The following N4BP2 variants were observed in gnomAD, a reference collection of about 807,000 sequenced individuals.
The protein encoded by N4BP2 is NEDD4-binding protein 2.
Under a neutral mutation model 152.8 loss-of-function variants are expected in N4BP2, and 91 were observed. The observed-to-expected ratio is 0.60, with a 90% CI of 0.50 to 0.71. The LOEUF is 0.71. Ranked by LOEUF, N4BP2 falls within the 30% of genes least tolerant of loss-of-function variation. The pLI, the probability that N4BP2 is intolerant of heterozygous loss-of-function variation, is 0.00. For synonymous variants in N4BP2, 646 were observed against 705.3 expected, an observed-to-expected ratio of 0.92 and a Z score of 1.33; for missense variants, 1,923 against 2,059.1, an observed-to-expected ratio of 0.93 and a Z score of 1.28.
intron 7 of N4BP2, among the ~76,000 whole-genome samples, chr4:40,116,025 A>G (rs7686896): frequency 0.29 from 44,606 of 151,732 alleles, 6,830 homozygotes; most frequent in South Asian, 0.47. Flanking sequence ...AATTAATTGA[A>G]CCTTTTATTA....
chr4:40,112,071 TTA>T lies in N4BP2; in HGVS notation c.1499-11_1499-10del. On this transcript the variant is annotated splice_polypyrimidine_tract_variant and intron_variant, in intron 5 of 17. Coordinates refer to ENST00000261435, the MANE Select transcript of N4BP2 (RefSeq NM_018177.6). ...GTTTAAAAAATGATTTTTAATTATG[TTA>T]TGTTTTTCAGCAAAAGAAGCATTTG... 1 of 1,319,562 alleles carries T rather than the reference TTA, an allele frequency of 7.6e-7. No homozygotes were observed. Among genetic ancestry groups the T allele is most frequent in the Non-Finnish European group, 1.1e-6 (1 of 935,726 alleles). The allele number at this position is 1,319,562 out of a possible 1,614,324, so 81.7% of individuals were successfully genotyped here.
chr4:40,181,544 A>C, the N4BP2 span, among the ~76,000 whole-genome samples: 1 of 152,182 alleles, frequency 6.6e-6, no homozygotes, highest in Admixed American at 6.5e-5. Flanking sequence ...CAGCAATGTC[A>C]TCTTCAGGGA....
the N4BP2 span, among the ~76,000 whole-genome samples, chr4:40,176,951 A>G: frequency 2.6e-5 from 4 of 152,138 alleles, no homozygotes; most frequent in Non-Finnish European, 5.9e-5. Flanking sequence ...ACCCAATAAA[A>G]TCCTTTTCTC....
chr4:40,124,307 A>C lies in N4BP2; in HGVS notation c.4330+102A>C, dbSNP rs947599256. 8.9e-6 allele frequency: 6 copies of C among 675,062 alleles called. No individual in the cohort carries two copies. In the African/African-American group the frequency reaches 9.2e-5, roughly 10 times the overall value. The allele number at this position is 675,062 out of a possible 1,614,324, so 41.8% of individuals were successfully genotyped here. ...ATTACTTCCACAAAATACGGTACCC[A>C]CAAATTTTGATTTGCAAATAAAAGT... On this transcript the variant is annotated intron_variant, in intron 11 of 17. Coordinates refer to ENST00000261435, the MANE Select transcript of N4BP2 (RefSeq NM_018177.6).
At chr4:40,131,999 A>C in intron 13 of N4BP2, 80 bp downstream of exon 13, 3 of 919,134 alleles carry the variant, frequency 3.3e-6, no homozygotes, top group Non-Finnish European at 5.3e-6. Context: ...TCTGATAACA[A>C]AAATAATGTA....
chr4:40,168,634 TAGG>T, the N4BP2 span, among the ~76,000 whole-genome samples: 3 of 151,864 alleles, frequency 2.0e-5, no homozygotes, highest in East Asian at 1.9e-4. Flanking sequence ...AGACAAAAAA[TAGG>T]AGACCACAGA....
At chr4:40,096,441 G>C (rs947089760) in intron 2 of N4BP2, among the ~76,000 whole-genome samples, 1 of 152,166 alleles carries the variant, frequency 6.6e-6, no homozygotes, top group African/African-American at 2.4e-5. Flanking sequence ...GGAGACTTAA[G>C]TGTGGCTAAG....
chr4:40,104,344 A>G (rs891940977), intron 4 of N4BP2, among the ~76,000 whole-genome samples: 2 of 148,682 alleles, frequency 1.3e-5, no homozygotes, highest in Non-Finnish European at 3.0e-5. Context: ...TCCTGGGTGT[A>G]TCTAGTCTAG....
intron 11 of N4BP2, 42 bp from the exon 12 acceptor site, chr4:40,126,092 A>G (rs756711852): frequency 5.0e-6 from 6 of 1,195,256 alleles, no homozygotes; most frequent in Non-Finnish European, 5.7e-6. Context: ...TAATTTATAC[A>G]TTTATTGTTG....
chr4:40,174,465 GC>G, the N4BP2 span, among the ~76,000 whole-genome samples: 2 of 152,062 alleles, frequency 1.3e-5, no homozygotes, highest in Admixed American at 1.3e-4. Flanking sequence ...ACTTACAGTA[GC>G]CAGGATGTGG....
At chr4:40,062,562 CT>C (rs1330023601) in intron 1 of N4BP2, among the ~76,000 whole-genome samples, 282 of 137,128 alleles carry the variant, frequency 2.1e-3, no homozygotes, top group Middle Eastern at 7.6e-3. Flanking sequence ...TTCTGAACTT[CT>C]TTTTTTTTTT....
rs780859612 is a variant in N4BP2, at chr4:40,102,753, C to G, written c.908C>G (p.Pro303Arg). Residue 303 changes from proline (P) to arginine (R), a missense_variant, in exon 4 of 18, where the codon CCA becomes CGA. Physicochemically the swap from Pro to Arg is moderately radical, Grantham distance 103. Coordinates refer to ENST00000261435, the MANE Select transcript of N4BP2 (RefSeq NM_018177.6). ...TTAAACCTTCCAGGGCTTGATTTAC[C>G]AGGTACAGGTGGGGATCAGAAATCT... ...ACLNLPGLDL[P>R]GTGGDQKSTR... The G allele has an allele frequency of 1.9e-6, 3 of 1,614,126 alleles. No homozygotes were observed. The highest frequency in any genetic ancestry group is 1.3e-5 in the African/African-American group (1 of 75,028).
At chr4:40,115,118 A>G (rs1261391073) in intron 7 of N4BP2, among the ~76,000 whole-genome samples, 2 of 152,050 alleles carry the variant, frequency 1.3e-5, no homozygotes, top group Non-Finnish European at 2.9e-5. Context: ...TCAAAAATCA[A>G]TTTTGCTTTT....
chr4:40,151,887 A>G (rs1721182584), intron 16 of N4BP2, among the ~76,000 whole-genome samples: 1 of 152,212 alleles, frequency 6.6e-6, no homozygotes, highest in African/African-American at 2.4e-5. Context: ...ATTTGTTTGT[A>G]TTCTATTAGG....
chr4:40,105,795 C>T lies in N4BP2; in HGVS notation c.1374-1105C>T, dbSNP rs147732271. Among the ~76,000 whole-genome samples, 24 of 152,240 alleles carry T rather than the reference C, an allele frequency of 1.6e-4. No homozygotes were observed. In the South Asian group the frequency reaches 1.9e-3, roughly 12 times the overall value. ...CAAACTCCTGGGCTCAAGCAGTCTT[C>T]CCACCTCAGCCTCCCAAAGTGCTGG... On this transcript the variant is annotated intron_variant, in intron 4 of 17. Coordinates refer to ENST00000261435, the MANE Select transcript of N4BP2 (RefSeq NM_018177.6).
chr4:40,142,335 G>A (rs1301767743), intron 14 of N4BP2: 4 of 318,624 alleles, frequency 1.3e-5, no homozygotes, highest in South Asian at 6.8e-5. Flanking sequence ...GAGTTGGGCT[G>A]GGGGTGACTG....
chr4:40,118,307 T>C (rs993070904), intron 8 of N4BP2, among the ~76,000 whole-genome samples: 4 of 152,076 alleles, frequency 2.6e-5, no homozygotes, highest in African/African-American at 9.7e-5. Context: ...TCTCAGCTGC[T>C]TGGGAGGCTG....
chr4:40,142,356 T>A (rs1013840550), intron 14 of N4BP2: 1 of 308,090 alleles, frequency 3.2e-6, no homozygotes, highest in Non-Finnish European at 6.3e-6. Context: ...GGTGGTGGTT[T>A]TACCTCCATT....
the N4BP2 span, among the ~76,000 whole-genome samples, chr4:40,187,986 G>A: frequency 6.6e-6 from 1 of 152,372 alleles, no homozygotes; most frequent in South Asian, 2.1e-4. Context: ...CTTTAAAAGT[G>A]CAAGGAACAG....
Sources: allele counts gnomAD v4.1 joint callset (sites outside exome capture counted in the v4.1 genomes callset), GRCh38; gene constraint gnomAD v4.1.1; transcripts MANE v1.5; gene names NCBI Gene and HGNC (gene_info 2026-07-23, HGNC 2026-07-21).